Variants in MAP6 observed in about 807,000 individuals in gnomAD.
MAP6 encodes microtubule associated protein 6.
A neutral mutation model predicts 42.4 loss-of-function variants in MAP6; 26 were observed. The ratio of observed to expected loss-of-function variants is 0.61; its 90% CI spans 0.45 to 0.85. MAP6 has a LOEUF of 0.85. MAP6 is among the 40% of genes least tolerant of loss of function. MAP6 has a pLI of 0.00. For synonymous variants in MAP6, 418 were observed against 443.8 expected, an observed-to-expected ratio of 0.94 and a Z score of 0.73; for missense variants, 966 against 1,099.0, an observed-to-expected ratio of 0.88 and a Z score of 1.71.
intron 3 of MAP6, among the ~76,000 whole-genome samples, chr11:75,602,397 C>CA (rs1452971703): frequency 1.3e-5 from 2 of 152,158 alleles, no homozygotes; most frequent in African/African-American, 4.8e-5. Flanking sequence ...CTGTCACCCC[C>CA]ACAACCCACA....
chr11:75,619,592 G>A (rs772756329), intron 1 of MAP6, among the ~76,000 whole-genome samples: 1 of 152,124 alleles, frequency 6.6e-6, no homozygotes, highest in African/African-American at 2.4e-5. Flanking sequence ...CCACTTATAA[G>A]TGAGAACATG....
intron 1 of MAP6, among the ~76,000 whole-genome samples, chr11:75,624,359 G>A (rs1943161202): frequency 6.6e-6 from 1 of 152,172 alleles, no homozygotes; most frequent in Non-Finnish European, 1.5e-5. Flanking sequence ...CAGGGTGGCT[G>A]CACCACTTCC....
In MAP6 at chr11:75,666,632, G is replaced by C. The variant is rs183575640; in HGVS notation, c.905+833C>G. Reference sequence around the variant, plus strand: ...CTAATTACCACTATGTGCTAGGCACGAGCTGTTCTCCTGATTATCTCATTT... The same window carrying C: ...CTAATTACCACTATGTGCTAGGCACCAGCTGTTCTCCTGATTATCTCATTT... On this transcript the variant is annotated intron_variant, in intron 1 of 3. Coordinates refer to ENST00000304771, the MANE Select transcript of MAP6 (RefSeq NM_033063.2). 1.5e-4 allele frequency among the ~76,000 whole-genome samples: 23 copies of C among 152,340 alleles called. No individual in the cohort carries two copies. In the East Asian group the frequency reaches 4.2e-3, roughly 28 times the overall value.
At chr11:75,625,746 C>A (rs1487600474) in intron 1 of MAP6, among the ~76,000 whole-genome samples, 1 of 152,118 alleles carries the variant, frequency 6.6e-6, no homozygotes, top group Non-Finnish European at 1.5e-5. Context: ...ACTTAAATAT[C>A]AAAATAAAAT....
intron 1 of MAP6, among the ~76,000 whole-genome samples, chr11:75,621,099 C>T (rs2135613697): frequency 6.6e-6 from 1 of 151,682 alleles, no homozygotes; most frequent in Middle Eastern, 3.4e-3. Flanking sequence ...CCACTGCACT[C>T]CAGCCTGGGT....
rs558458744 is a variant in MAP6 at position 75,629,016 on chromosome 11, C to T, written c.906-20694G>A. On this transcript the variant is annotated intron_variant, in intron 1 of 3. Transcript: ENST00000304771. ...GCTCTGTGAGGTAAAGAGATCTGCC[C>T]AAAGTCACAGAGCTGGCAAGTGGCA... 1.1e-3 allele frequency among the ~76,000 whole-genome samples: 169 copies of T among 152,248 alleles called. 1 individual carries two copies. The highest frequency in any genetic ancestry group is 3.9e-3 in the African/African-American group (160 of 41,544).
At chr11:75,636,398 T>C (rs1441079433) in intron 1 of MAP6, among the ~76,000 whole-genome samples, 1 of 152,156 alleles carries the variant, frequency 6.6e-6, no homozygotes, top group Non-Finnish European at 1.5e-5. Flanking sequence ...TTGTTACAGC[T>C]TTTCATCTTA....
intron 1 of MAP6, among the ~76,000 whole-genome samples, chr11:75,627,439 C>T (rs1943215521): frequency 6.6e-6 from 1 of 152,214 alleles, no homozygotes; most frequent in African/African-American, 2.4e-5. Flanking sequence ...CTGCTCTGCA[C>T]ATGTGGCTGT....
chr11:75,646,099 A>C (rs770935113), intron 1 of MAP6, among the ~76,000 whole-genome samples: 17 of 152,098 alleles, frequency 1.1e-4, no homozygotes, highest in Non-Finnish European at 2.1e-4. Context: ...GATGCATAAT[A>C]GTGAACTGCA....
chr11:75,638,967 A>T (rs548830905), intron 1 of MAP6, among the ~76,000 whole-genome samples: 1 of 152,374 alleles, frequency 6.6e-6, no homozygotes, highest in Non-Finnish European at 1.5e-5. Context: ...CTATTCAGCC[A>T]CAAAAGACAA....
intron 1 of MAP6, among the ~76,000 whole-genome samples, chr11:75,658,819 T>C (rs1052688558): frequency 8.5e-5 from 13 of 152,184 alleles, no homozygotes; most frequent in African/African-American, 3.1e-4. Context: ...CATTCTCCCA[T>C]TTACCGCCAA....
intron 1 of MAP6, among the ~76,000 whole-genome samples, chr11:75,616,515 A>T (rs1307546742): frequency 1.3e-5 from 2 of 152,190 alleles, no homozygotes; most frequent in Non-Finnish European, 2.9e-5. Flanking sequence ...TCCTTCGTGC[A>T]CTCTGATGGA....
At position 75,608,121 on chromosome 11, in the gene MAP6, C is replaced by T. The variant is rs1942814578; in HGVS notation, c.1107G>A (p.Lys369=). Residue 369 remains lysine (K), a synonymous_variant, in exon 2 of 4, where the codon AAG becomes AAA. Coordinates refer to ENST00000304771, the MANE Select transcript of MAP6 (RefSeq NM_033063.2). The stretch of plus-strand genomic sequence containing the variant: ...AGGTCTGTCTCACCTTTGGGGGTTC[C>T]TTGAAGGGTTCGCTGTAGAGGCTGC... ...RIRSLYSEPF[K]EPPKVEKPSV... 6.2e-7 allele frequency: 1 copy of T among 1,613,814 alleles called. No homozygotes were observed. The highest frequency in any genetic ancestry group is 8.5e-7 in the Non-Finnish European group (1 of 1,179,992).
At position 75,591,103 on chromosome 11, in the gene MAP6, C is replaced by T. The variant is rs142873576; in HGVS notation, c.1317-2919G>A. On this transcript the variant is annotated intron_variant, in intron 3 of 3. Coordinates refer to ENST00000304771, the MANE Select transcript of MAP6 (RefSeq NM_033063.2). ...TGTAATCCCAATATAAAATGTGTAA[C>T]GGAATAATTAAATTAGATGTATAAC... Among the ~76,000 whole-genome samples, 848 of 152,066 alleles carry T rather than the reference C, an allele frequency of 5.6e-3. 7 individuals are homozygous for T. The highest frequency in any genetic ancestry group is 0.019 in the African/African-American group (786 of 41,450).
intron 1 of MAP6, among the ~76,000 whole-genome samples, chr11:75,620,901 C>A (rs764636377): frequency 2.0e-5 from 3 of 152,066 alleles, no homozygotes; most frequent in African/African-American, 7.2e-5. Flanking sequence ...GAGGCTGAGG[C>A]GGGTGGATCA....
chr11:75,614,683 C>T (rs1019078049), intron 1 of MAP6, among the ~76,000 whole-genome samples: 8 of 152,230 alleles, frequency 5.3e-5, no homozygotes, highest in African/African-American at 1.9e-4. Flanking sequence ...CTAAGCCATT[C>T]CTGGATTACT....
intron 1 of MAP6, among the ~76,000 whole-genome samples, chr11:75,632,192 T>C (rs1162239333): frequency 6.6e-6 from 1 of 152,118 alleles, no homozygotes; most frequent in Non-Finnish European, 1.5e-5. Context: ...TCCAGGAACA[T>C]GGGGGTAGAG....
intron 1 of MAP6, among the ~76,000 whole-genome samples, chr11:75,637,846 GGGAA>G (rs922127980): frequency 2.8e-5 from 4 of 141,712 alleles, no homozygotes; most frequent in South Asian, 2.4e-4. Flanking sequence ...GAAGGAGGGA[GGGAA>G]GGAAGGAAGG....
chr11:75,665,993 C>T (rs139895731), intron 1 of MAP6, among the ~76,000 whole-genome samples: 1 of 152,176 alleles, frequency 6.6e-6, no homozygotes, highest in East Asian at 1.9e-4. Context: ...CTTTCCTCAG[C>T]CTATGAGAGA....
Sources: gnomAD v4.1 joint callset for allele counts (sites outside exome capture counted in the v4.1 genomes callset) on GRCh38, gnomAD v4.1.1 for gene constraint, MANE v1.5 for transcripts, NCBI Gene and HGNC (gene_info 2026-07-23, HGNC 2026-07-21) for gene names.